Variants in FAF1 observed in about 807,000 individuals in gnomAD.
FAF1 encodes Fas associated factor 1.
In FAF1, 25 loss-of-function variants were observed where a neutral mutation model predicts 92.5. The observed-to-expected ratio is 0.27, with a 90% CI of 0.20 to 0.38. The LOEUF (loss-of-function observed/expected upper bound fraction) is 0.38, where lower values mean the gene tolerates loss of function less well. Ranked by LOEUF, FAF1 falls within the 10% of genes least tolerant of loss-of-function variation. The probability of loss-of-function intolerance (pLI) is 1.00; values close to 1 mark genes in which losing one functional copy is unlikely to be tolerated. For missense variants in FAF1, 636 were observed against 793.3 expected (o/e 0.80, Z 2.38); for synonymous variants, 234 against 273.2 (o/e 0.86, Z 1.42).
At position 50,455,356 on chromosome 1, in the gene FAF1, C is replaced by T. The variant is rs143275326; in HGVS notation, c.1870-13833G>A. Among the ~76,000 whole-genome samples the T allele has an allele frequency of 6.7e-3, 1,015 of 152,348 alleles. 15 individuals are homozygous for T. The highest frequency in any genetic ancestry group is 0.023 in the African/African-American group (948 of 41,584). ...ATAACCTTAGGTGACTTAGCTGCCA[C>T]CTGATCCTAAGCTCTAGCTCAGATA... is the stretch of plus-strand genomic sequence containing the variant. On this transcript the variant is annotated intron_variant, in intron 18 of 18. Coordinates refer to ENST00000396153, the MANE Select transcript of FAF1 (RefSeq NM_007051.3).
chr1:50,686,603 A>T (rs1298816624), intron 7 of FAF1, among the ~76,000 whole-genome samples: 3 of 14,710 alleles, frequency 2.0e-4, no homozygotes. Flanking sequence ...AAGGGAGAGG[A>T]GGGGAGGGAG....
At chr1:50,502,967 G>A (rs1042164782) in intron 15 of FAF1, among the ~76,000 whole-genome samples, 16 of 151,878 alleles carry the variant, frequency 1.1e-4, no homozygotes, top group African/African-American at 3.6e-4. Flanking sequence ...TGGATTACAG[G>A]TGTGCACCAC....
chr1:50,469,513 G>A (rs1251252913), intron 18 of FAF1: 3 of 152,228 alleles, frequency 2.0e-5, no homozygotes, highest in East Asian at 1.9e-4. Flanking sequence ...AAAAGGAGAC[G>A]GTGTGAAATT....
intron 3 of FAF1, among the ~76,000 whole-genome samples, chr1:50,794,478 A>G (rs1661671398): frequency 6.6e-6 from 1 of 152,264 alleles, no homozygotes; most frequent in Admixed American, 6.5e-5. Flanking sequence ...ATAAATCTAC[A>G]TTGAATCATA....
chr1:50,688,466 TA>T (rs1324515101), intron 7 of FAF1, among the ~76,000 whole-genome samples: 2 of 152,168 alleles, frequency 1.3e-5, no homozygotes, highest in Admixed American at 1.3e-4. Context: ...TGTGAATGGA[TA>T]AACAAAATGT....
chr1:50,787,379 T>C (rs1280599534), intron 4 of FAF1, among the ~76,000 whole-genome samples: 2 of 152,192 alleles, frequency 1.3e-5, no homozygotes, highest in African/African-American at 2.4e-5. Context: ...GCTTTGTTAA[T>C]GGGATTAGAT....
chr1:50,527,811 G>GTCTCTCTCTCTCTCTCTCTC (rs9326017), intron 15 of FAF1, among the ~76,000 whole-genome samples: 1 of 75,314 alleles, frequency 1.3e-5, no homozygotes, highest in Admixed American at 1.8e-4. Flanking sequence ...TTACTCTGCT[G>GTCTCTCTCTCTCTCTCTCTC]TCTCTCTCTC....
At chr1:50,775,730 A>T (rs1287392526) in intron 4 of FAF1, among the ~76,000 whole-genome samples, 1 of 152,124 alleles carries the variant, frequency 6.6e-6, no homozygotes, top group African/African-American at 2.4e-5. Flanking sequence ...TTAATCAAAG[A>T]AATCCTTGAA....
chr1:50,777,025 T>C (rs1365407962), intron 4 of FAF1, among the ~76,000 whole-genome samples: 2 of 151,920 alleles, frequency 1.3e-5, no homozygotes, highest in Non-Finnish European at 2.9e-5. Context: ...TTTGGGAGAC[T>C]GAGGTGGGGG....
chr1:50,885,040 T>G (rs1029986419), intron 1 of FAF1, among the ~76,000 whole-genome samples: 1 of 152,210 alleles, frequency 6.6e-6, no homozygotes, highest in Non-Finnish European at 1.5e-5. Flanking sequence ...CCTTTAGATT[T>G]GTCAATTTAT....
intron 13 of FAF1, among the ~76,000 whole-genome samples, chr1:50,552,983 G>A (rs550797572): frequency 6.6e-6 from 1 of 152,234 alleles, no homozygotes; most frequent in South Asian, 2.1e-4. Flanking sequence ...CAACTGCAAG[G>A]GTACAGGCAT....
chr1:50,784,324 A>G (rs1027591489), intron 4 of FAF1, among the ~76,000 whole-genome samples: 1 of 152,184 alleles, frequency 6.6e-6, no homozygotes, highest in African/African-American at 2.4e-5. Context: ...GAACTAATAA[A>G]TAATACAAAA....
chr1:50,752,161 G>A (rs1291685413), intron 4 of FAF1, among the ~76,000 whole-genome samples: 1 of 152,096 alleles, frequency 6.6e-6, no homozygotes, highest in African/African-American at 2.4e-5. Flanking sequence ...GTAGAGACGG[G>A]GGTCTCGTCC....
At chr1:50,763,963 T>C (rs1009018155) in intron 4 of FAF1, among the ~76,000 whole-genome samples, 2 of 152,172 alleles carry the variant, frequency 1.3e-5, no homozygotes, top group African/African-American at 4.8e-5. Flanking sequence ...ATATAGCTGT[T>C]TGGTGGCATT....
chr1:50,747,438 G>C (rs1569876730), intron 4 of FAF1, among the ~76,000 whole-genome samples: 2 of 152,282 alleles, frequency 1.3e-5, no homozygotes, highest in Middle Eastern at 6.8e-3. Context: ...AAGGCCTATA[G>C]CATCATTCTT....
rs559745248 is a variant in FAF1 at position 50,554,388 on chromosome 1, T to TAGAGAG, written c.1268+12688_1268+12689insCTCTCT. ...AAATATATATATATATATATATATA[T>TAGAGAG]ATAGAGAGAGAGAGAGAGAGAGAGA... is the stretch of plus-strand genomic sequence containing the variant. On this transcript the variant is annotated intron_variant, in intron 13 of 18. Transcript: ENST00000396153. Among the ~76,000 whole-genome samples the TAGAGAG allele has an allele frequency of 5.8e-3, 586 of 100,624 alleles. 3 individuals are homozygous for TAGAGAG. Among genetic ancestry groups the TAGAGAG allele is most frequent in the African/African-American group, 0.012 (283 of 23,396 alleles). The allele number at this position is 100,624 out of a possible 152,430, so 66.0% of individuals were successfully genotyped here. A position where few individuals can be genotyped will look rare whatever the true frequency, so the allele number is the denominator to read the frequency against.
chr1:50,495,822 AT>A (rs1646891376), intron 15 of FAF1, among the ~76,000 whole-genome samples: 2 of 152,194 alleles, frequency 1.3e-5, no homozygotes, highest in African/African-American at 4.8e-5. Flanking sequence ...GTGAGATGAT[AT>A]CTTACTGTAG....
At chr1:50,623,482 T>C (rs1299978148) in intron 8 of FAF1, among the ~76,000 whole-genome samples, 2 of 151,352 alleles carry the variant, frequency 1.3e-5, no homozygotes, top group South Asian at 2.1e-4. Flanking sequence ...GGCAGGAGAA[T>C]TGCTTGAACC....
chr1:50,876,515 G>A (rs1193746258), intron 1 of FAF1, among the ~76,000 whole-genome samples: 1 of 152,158 alleles, frequency 6.6e-6, no homozygotes, highest in Admixed American at 6.5e-5. Flanking sequence ...ATGGGGATAC[G>A]ACAAACGAAT....
Sources: gnomAD v4.1 joint callset for allele counts (sites outside exome capture counted in the v4.1 genomes callset) on GRCh38, gnomAD v4.1.1 for gene constraint, MANE v1.5 for transcripts, NCBI Gene and HGNC (gene_info 2026-07-23, HGNC 2026-07-21) for gene names.